Variants in MED13L observed in about 807,000 individuals in gnomAD.
The protein encoded by MED13L is mediator of RNA polymerase II transcription subunit 13-like.
MED13L carries 7 observed loss-of-function variants against 220.9 expected under a neutral mutation model. That is an observed-to-expected ratio of 0.03 (90% CI 0.02 to 0.06). The LOEUF is 0.06. MED13L is among the 10% of genes least tolerant of loss of function. The probability of loss-of-function intolerance (pLI) is 1.00; values close to 1 mark genes in which losing one functional copy is unlikely to be tolerated. For synonymous variants in MED13L, 1,011 were observed against 1,015.2 expected (o/e 1.00, Z 0.08); for missense variants, 1,965 against 2,760.5 (o/e 0.71, Z 6.46).
chr12:116,189,737 T>C (rs1881144025), intron 2 of MED13L, among the ~76,000 whole-genome samples: 1 of 152,222 alleles, frequency 6.6e-6, no homozygotes, highest in South Asian at 2.1e-4. Context: ...AAGCTGTATG[T>C]AGTTTTTAGA....
chr12:116,095,020 G>A (rs938972040), intron 4 of MED13L, among the ~76,000 whole-genome samples: 2 of 152,016 alleles, frequency 1.3e-5, no homozygotes, highest in Admixed American at 1.3e-4. Flanking sequence ...AAATGAGCTG[G>A]GTGTGGTGGT....
At chr12:116,127,499 G>A (rs185547922) in intron 2 of MED13L, among the ~76,000 whole-genome samples, 8 of 152,138 alleles carry the variant, frequency 5.3e-5, no homozygotes, top group African/African-American at 1.4e-4. Context: ...TATGTAGTCC[G>A]TTAAACAGTT....
rs772341564 is a variant in MED13L, at chr12:115,984,392, C to A, written c.4339-20G>T. On this transcript the variant is annotated intron_variant, in intron 19 of 30. Transcript: ENST00000281928. ...ACACATCTGATATCATAGACAAGAT[C>A]ATTAGTTATAACAGGAGCCATTCCT... 2 of 1,613,312 alleles carry A rather than the reference C, an allele frequency of 1.2e-6. No homozygotes were observed. Among genetic ancestry groups the A allele is most frequent in the Admixed American group, 3.3e-5 (2 of 59,986 alleles).
In MED13L at chr12:115,996,040, C is replaced by T. The variant is rs145975778; in HGVS notation, c.2996+436G>A. Among the ~76,000 whole-genome samples, 530 of 152,200 alleles carry T rather than the reference C, an allele frequency of 3.5e-3. 6 individuals carry two copies. The highest frequency in any genetic ancestry group is 0.02 in the Middle Eastern group (6 of 294). On this transcript the variant is annotated intron_variant, in intron 16 of 30. Transcript: ENST00000281928. ...AAAATAATTTGCACAAAAACATGAACGACCAATAAAGGAAAGTTTCAAATG... is the reference window on the plus strand; with the variant it reads ...AAAATAATTTGCACAAAAACATGAATGACCAATAAAGGAAAGTTTCAAATG...
At chr12:116,248,260 T>C (rs1871244595) in intron 1 of MED13L, among the ~76,000 whole-genome samples, 3 of 152,218 alleles carry the variant, frequency 2.0e-5, no homozygotes, top group East Asian at 1.9e-4. Flanking sequence ...GGCTGATATG[T>C]AGAAGATTAA....
chr12:116,126,200 T>G (rs1043182085), intron 2 of MED13L, among the ~76,000 whole-genome samples: 3 of 152,220 alleles, frequency 2.0e-5, no homozygotes, highest in Non-Finnish European at 4.4e-5. Flanking sequence ...TCTACAAGAT[T>G]CCTTTGCATT....
chr12:116,087,726 C>A (rs975318152), intron 4 of MED13L, among the ~76,000 whole-genome samples: 3 of 152,162 alleles, frequency 2.0e-5, no homozygotes, highest in African/African-American at 7.2e-5. Context: ...CATTTCTCAT[C>A]ATCCTACCTC....
chr12:116,112,560 T>G (rs1165671835), intron 2 of MED13L, among the ~76,000 whole-genome samples: 1 of 152,232 alleles, frequency 6.6e-6, no homozygotes, highest in East Asian at 1.9e-4. Flanking sequence ...AATTTTTTTT[T>G]CTTGGTTATG....
chr12:116,092,706 AAGAGG>A (rs891710312), intron 4 of MED13L, among the ~76,000 whole-genome samples: 20 of 152,228 alleles, frequency 1.3e-4, no homozygotes, highest in Admixed American at 2.6e-4. Flanking sequence ...GTCTGAAGTT[AAGAGG>A]AGAGAAGACA....
At chr12:116,079,417 G>A (rs904790370) in intron 4 of MED13L, among the ~76,000 whole-genome samples, 4 of 151,810 alleles carry the variant, frequency 2.6e-5, no homozygotes, top group Admixed American at 6.6e-5. Context: ...GGGGAGGGGG[G>A]GTCTCACTAT....
intron 2 of MED13L, among the ~76,000 whole-genome samples, chr12:116,179,597 T>C (rs1408058728): frequency 6.6e-6 from 1 of 151,794 alleles, no homozygotes; most frequent in Non-Finnish European, 1.5e-5. Context: ...CTGGGCGACA[T>C]TCAAGACTGT....
At chr12:116,090,334 T>C (rs935048542) in intron 4 of MED13L, among the ~76,000 whole-genome samples, 3 of 152,216 alleles carry the variant, frequency 2.0e-5, no homozygotes, top group African/African-American at 7.2e-5. Context: ...GATCTGATTA[T>C]GAGTATCGTT....
At chr12:116,241,341 A>AACACACAC (rs890266083) in intron 1 of MED13L, among the ~76,000 whole-genome samples, 1 of 149,138 alleles carries the variant, frequency 6.7e-6, no homozygotes. Flanking sequence ...ACAAAAAAAA[A>AACACACAC]ACACACACAC....
chr12:116,155,990 TACTC>T (rs1480790513), intron 2 of MED13L, among the ~76,000 whole-genome samples: 3 of 150,834 alleles, frequency 2.0e-5, no homozygotes, highest in East Asian at 3.9e-4. Context: ...CTATTTTTCT[TACTC>T]AACTCAATAA....
chr12:116,269,415 C>T (rs1427042058), intron 1 of MED13L, among the ~76,000 whole-genome samples: 1 of 150,872 alleles, frequency 6.6e-6, no homozygotes, highest in Non-Finnish European at 1.5e-5. Flanking sequence ...TCTCCCTCCT[C>T]CCCGCCCCCC....
chr12:116,135,388 C>G (rs1018985375), intron 2 of MED13L, among the ~76,000 whole-genome samples: 1 of 152,132 alleles, frequency 6.6e-6, no homozygotes, highest in African/African-American at 2.4e-5. Flanking sequence ...TCATCCATGC[C>G]CTCACATGAG....
intron 2 of MED13L, among the ~76,000 whole-genome samples, chr12:116,206,547 T>C (rs917049188): frequency 6.6e-6 from 1 of 152,084 alleles, no homozygotes; most frequent in South Asian, 2.1e-4. Context: ...AGAAAAGTTA[T>C]AGACGGGGAA....
At chr12:115,995,459 T>C (rs1431233862) in intron 16 of MED13L, among the ~76,000 whole-genome samples, 1 of 152,236 alleles carries the variant, frequency 6.6e-6, no homozygotes, top group Non-Finnish European at 1.5e-5. Context: ...GGTCTTGCTC[T>C]GTCGACCAGG....
chr12:116,143,892 C>T (rs1443393939), intron 2 of MED13L, among the ~76,000 whole-genome samples: 1 of 152,148 alleles, frequency 6.6e-6, no homozygotes, highest in Non-Finnish European at 1.5e-5. Flanking sequence ...AAAATCACAG[C>T]AACTTGTACC....
Sources: gnomAD v4.1 joint callset for allele counts (sites outside exome capture counted in the v4.1 genomes callset) on GRCh38, gnomAD v4.1.1 for gene constraint, MANE v1.5 for transcripts, NCBI Gene and HGNC (gene_info 2026-07-23, HGNC 2026-07-21) for gene names.